NFATC2: variants seen among roughly 807,000 people sequenced by gnomAD.
NFATC2 encodes nuclear factor of activated T-cells, cytoplasmic 2.
NFATC2 carries 22 observed loss-of-function variants against 87.3 expected under a neutral mutation model. That is an observed-to-expected ratio of 0.25 (90% CI 0.18 to 0.36). NFATC2 has a LOEUF of 0.36. Among genes scored for constraint, NFATC2 ranks in the 10% least tolerant of loss-of-function variants. The pLI is 1.00. For synonymous variants in NFATC2, 565 were observed against 542.2 expected (o/e 1.04, Z -0.58); for missense variants, 1,149 against 1,259.1 (o/e 0.91, Z 1.32).
At chr20:51,425,197 T>C (rs1447305849) in intron 9 of NFATC2, among the ~76,000 whole-genome samples, 1 of 152,218 alleles carries the variant, frequency 6.6e-6, no homozygotes, top group Non-Finnish European at 1.5e-5. Context: ...GCTGGATGTC[T>C]TTTTTATATA....
At chr20:51,551,763 C>A (rs1028201513) in intron 1 of NFATC2, among the ~76,000 whole-genome samples, 1 of 152,060 alleles carries the variant, frequency 6.6e-6, no homozygotes, top group Non-Finnish European at 1.5e-5. Context: ...CACAGTGGCT[C>A]ATGCCTGTAA....
intron 3 of NFATC2, among the ~76,000 whole-genome samples, chr20:51,506,578 G>A (rs748529236): frequency 1.3e-5 from 2 of 151,118 alleles, no homozygotes; most frequent in Non-Finnish European, 2.9e-5. Context: ...GCCGTTAGGA[G>A]TCTCATTCAT....
intron 3 of NFATC2, among the ~76,000 whole-genome samples, chr20:51,502,404 C>T (rs917716337): frequency 5.3e-5 from 8 of 152,344 alleles, no homozygotes; most frequent in Admixed American, 3.3e-4. Flanking sequence ...CAGCTCACTG[C>T]AGCCTCCATC....
chr20:51,487,216 G>A (rs900780398), intron 3 of NFATC2, among the ~76,000 whole-genome samples: 6 of 152,350 alleles, frequency 3.9e-5, no homozygotes, highest in Non-Finnish European at 7.3e-5. Flanking sequence ...GGGGAATGCA[G>A]CTTGCAGAAA....
rs2076654993 is a variant in NFATC2, at chr20:51,532,710, A to T, written c.131-8600T>A. On this transcript the variant is annotated intron_variant, in intron 1 of 10. Transcript: ENST00000371564. ...CCCGCCAGCCAACAGATCACTTTTG[A>T]AAAAAGGAACAGCAAGAGAACATCT... 2.0e-5 allele frequency among the ~76,000 whole-genome samples: 3 copies of T among 152,310 alleles called. No homozygotes were observed. The South Asian group carries it at 6.2e-4, about 32-fold the overall frequency.
intron 1 of NFATC2, among the ~76,000 whole-genome samples, chr20:51,561,335 A>AAAAAG (rs1555822717): frequency 0.016 from 2,054 of 127,494 alleles, 74 homozygotes; most frequent in Non-Finnish European, 0.025. Context: ...AAAAAAAAAA[A>AAAAAG]AAAGAAAGAA....
intron 1 of NFATC2, among the ~76,000 whole-genome samples, chr20:51,530,600 T>C (rs1478958839): frequency 1.3e-5 from 2 of 152,134 alleles, no homozygotes; most frequent in South Asian, 4.1e-4. Context: ...CTGGCCTGCA[T>C]ACGAAGCATC....
chr20:51,410,191 C>G (rs750225777), intron 9 of NFATC2, among the ~76,000 whole-genome samples: 2 of 109,874 alleles, frequency 1.8e-5, no homozygotes, highest in Non-Finnish European at 1.7e-5. Context: ...GCCTGGGCGA[C>G]AGAGCGAGAC....
At position 51,542,685 on chromosome 20, in the gene NFATC2, AGCGGCG is replaced by A. The variant is rs1002525576; in HGVS notation, c.-192_-187del. On this transcript the variant is annotated 5_prime_UTR_variant, in exon 1 of 11. Transcript: ENST00000371564. ...GTCCTGGACGCGCCCGGGGAAGCTG[AGCGGCG>A]GCGGCGACGGCGGCGCGAGCTTCCT... 48 of 1,022,758 alleles carry A rather than the reference AGCGGCG, an allele frequency of 4.7e-5. No homozygotes were observed. The highest frequency in any genetic ancestry group is 3.4e-4 in the African/African-American group (19 of 55,360). 63.4% of individuals were successfully genotyped at this position (1,022,758 alleles called of 1,614,324 possible). A position where few individuals can be genotyped will look rare whatever the true frequency, so the allele number is the denominator to read the frequency against.
chr20:51,503,721 C>A (rs899079760), intron 3 of NFATC2, among the ~76,000 whole-genome samples: 1 of 152,190 alleles, frequency 6.6e-6, no homozygotes, highest in African/African-American at 2.4e-5. Flanking sequence ...CTGGGAGGGG[C>A]CTTCAGGCTG....
chr20:51,455,808 GTGGGTGGGTGGATGGATGAATTGA>G, intron 5 of NFATC2, among the ~76,000 whole-genome samples: 1 of 6,090 alleles, frequency 1.6e-4, no homozygotes, highest in Non-Finnish European at 3.2e-4. Context: ...GGGTGGGTGG[GTGGGTGGGTGGATGGATGAATTGA>G]TGGGTGGGTG....
rs537162488 is a variant in NFATC2 at position 51,440,212 on chromosome 20, G to T, written c.1850-4451C>A. On this transcript the variant is annotated intron_variant, in intron 6 of 10. Transcript: ENST00000371564. ...GAGCATGCCATTGCACTCCAGCCTG[G>T]GCAACAAGAGCAAAACTCCATCTCA... Among the ~76,000 whole-genome samples the T allele has an allele frequency of 2.7e-4, 31 of 116,932 alleles. No individual in the cohort carries two copies. The South Asian group carries it at 3.0e-3, about 11-fold the overall frequency. 76.7% of individuals were successfully genotyped at this position (116,932 alleles called of 152,430 possible). A position where few individuals can be genotyped will look rare whatever the true frequency, so the allele number is the denominator to read the frequency against.
chr20:51,524,184 C>G lies in NFATC2; in HGVS notation c.131-74G>C. The stretch of plus-strand genomic sequence containing the variant: ...ACTCCCGGTGCAGAGCAATCACAGG[C>G]TGGATTTCGTCTCACGTCGTTTATT... On this transcript the variant is annotated intron_variant, in intron 1 of 10. Transcript: ENST00000371564. The surrounding 1 kb of genome is among the most constrained non-coding windows in gnomAD (Gnocchi z 4.0). The G allele has an allele frequency of 7.6e-7, 1 of 1,310,798 alleles. No homozygotes were observed. Among genetic ancestry groups the G allele is most frequent in the Non-Finnish European group, 1.0e-6 (1 of 1,004,038 alleles). 81.2% of individuals were successfully genotyped at this position (1,310,798 alleles called of 1,614,324 possible). A position where few individuals can be genotyped will look rare whatever the true frequency, so the allele number is the denominator to read the frequency against.
At chr20:51,466,832 G>A (rs953903872) in intron 5 of NFATC2, among the ~76,000 whole-genome samples, 1 of 152,210 alleles carries the variant, frequency 6.6e-6, no homozygotes, top group South Asian at 2.1e-4. Context: ...AGTAGTTTGG[G>A]AGGCCGAGGC....
Position 51,528,980 on chromosome 20 carries a change from T to G in NFATC2, c.131-4870A>C, listed in dbSNP as rs77202803. ...GCCTGGAGTTCTTGTGAGGCTGTAGTTTAATGTAAATGTGTATTTGAATTC... is the reference window on the plus strand; with the variant it reads ...GCCTGGAGTTCTTGTGAGGCTGTAGGTTAATGTAAATGTGTATTTGAATTC... On this transcript the variant is annotated intron_variant, in intron 1 of 10. Transcript: ENST00000371564. Among the ~76,000 whole-genome samples, 4 of 152,284 alleles carry G rather than the reference T, an allele frequency of 2.6e-5. 1 individual carries two copies. The East Asian group carries it at 7.7e-4, about 29-fold the overall frequency.
intron 3 of NFATC2, among the ~76,000 whole-genome samples, chr20:51,494,420 G>A (rs1470471166): frequency 6.6e-6 from 1 of 152,032 alleles, no homozygotes; most frequent in Non-Finnish European, 1.5e-5. Flanking sequence ...TGGAAATGCG[G>A]CACACGTCAG....
At chr20:51,488,564 A>G (rs1279872104) in intron 3 of NFATC2, among the ~76,000 whole-genome samples, 1 of 152,226 alleles carries the variant, frequency 6.6e-6, no homozygotes, top group Non-Finnish European at 1.5e-5. Context: ...ATTGAGAAAC[A>G]TTCTTAAATT....
At chr20:51,553,959 T>C (rs868810501) in intron 1 of NFATC2, among the ~76,000 whole-genome samples, 29 of 152,164 alleles carry the variant, frequency 1.9e-4, no homozygotes, top group African/African-American at 7.0e-4. Flanking sequence ...TCTTCCCCTG[T>C]ATGCCCCAAG....
intron 9 of NFATC2, among the ~76,000 whole-genome samples, chr20:51,418,725 C>T (rs539924570): frequency 2.1e-5 from 3 of 141,716 alleles, no homozygotes; most frequent in East Asian, 2.2e-4. Flanking sequence ...TGCAGTGGTA[C>T]GATTGCGTCT....
Sources: gnomAD v4.1 joint callset for allele counts (sites outside exome capture counted in the v4.1 genomes callset) on GRCh38, gnomAD v4.1.1 for gene constraint, Gnocchi (gnomAD v3.1) non-coding constraint, MANE v1.5 for transcripts, NCBI Gene and HGNC (gene_info 2026-07-23, HGNC 2026-07-21) for gene names.